The following MS4A14 variants were observed in gnomAD, a reference collection of about 807,000 sequenced individuals.
MS4A14 encodes membrane-spanning 4-domains subfamily A member 14.
In MS4A14, 18 loss-of-function variants were observed where a neutral mutation model predicts 16.7. The ratio of observed to expected loss-of-function variants is 1.08; its 90% CI spans 0.75 to 1.60. The LOEUF is 1.60. Ranked by LOEUF, MS4A14 falls within the 40% of genes most tolerant of loss-of-function variation. The pLI is 0.00. For missense variants in MS4A14, 812 were observed against 775.3 expected (o/e 1.05, Z -0.56); for synonymous variants, 305 against 289.4 (o/e 1.05, Z -0.55).
At chr11:60,404,494 C>T (rs2085759044) in intron 4 of MS4A14, 2 of 454,060 alleles carry the variant, frequency 4.4e-6, no homozygotes, top group South Asian at 3.1e-5. Context: ...TCTTAACAGC[C>T]TTACCAAACC....
intron 1 of MS4A14, among the ~76,000 whole-genome samples, chr11:60,397,377 T>C (rs1283063435): frequency 3.9e-5 from 6 of 152,096 alleles, no homozygotes; most frequent in Admixed American, 2.6e-4. Context: ...CATCAAACTT[T>C]TTAAATTTTT....
intron 2 of MS4A14, among the ~76,000 whole-genome samples, chr11:60,399,042 T>A (rs1279142217): frequency 6.6e-6 from 1 of 152,214 alleles, no homozygotes; most frequent in African/African-American, 2.4e-5. Flanking sequence ...ACTGAGCACA[T>A]ACCGCGTCTT....
intron 4 of MS4A14, among the ~76,000 whole-genome samples, chr11:60,409,739 G>T (rs1442818265): frequency 6.6e-6 from 1 of 151,148 alleles, no homozygotes; most frequent in Non-Finnish European, 1.5e-5. Flanking sequence ...CCCTGTAATG[G>T]GATTTCTGGA....
intron 4 of MS4A14, among the ~76,000 whole-genome samples, chr11:60,411,128 G>A (rs1565178494): frequency 6.6e-6 from 1 of 152,210 alleles, no homozygotes; most frequent in Non-Finnish European, 1.5e-5. Flanking sequence ...TTACAGGCAT[G>A]AGCCACTGTG....
chr11:60,414,091 G>A (rs997412107), intron 4 of MS4A14, among the ~76,000 whole-genome samples: 10 of 152,058 alleles, frequency 6.6e-5, no homozygotes, highest in Admixed American at 5.9e-4. Flanking sequence ...CTAGCATCTG[G>A]TAATCACTGA....
chr11:60,400,766 A>G (rs1188765426), intron 3 of MS4A14, among the ~76,000 whole-genome samples: 1 of 152,216 alleles, frequency 6.6e-6, no homozygotes, highest in Non-Finnish European at 1.5e-5. Context: ...ATTGGACAAC[A>G]TCTGAAGACA....
At chr11:60,411,332 A>G (rs936566501) in intron 4 of MS4A14, among the ~76,000 whole-genome samples, 1 of 152,226 alleles carries the variant, frequency 6.6e-6, no homozygotes, top group African/African-American at 2.4e-5. Context: ...TAGAAATTGT[A>G]TTGAATCTGT....
chr11:60,402,877 CT>C, intron 3 of MS4A14, 34 bp from the exon 4 acceptor site: 1 of 1,595,176 alleles, frequency 6.3e-7, no homozygotes. Flanking sequence ...TGGTTTCGAT[CT>C]TATTTATTTT....
Position 60,416,450 on chromosome 11 carries a change from C to T in MS4A14, c.1482C>T (p.Ala494=), listed in dbSNP as rs763069819. The T allele has an allele frequency of 3.7e-6, 6 of 1,613,808 alleles. No homozygotes were observed. In the Admixed American group the frequency reaches 8.3e-5, roughly 22 times the overall value. ...RRHSLNQQTK[A]LQYLRRHSLD... The stretch of plus-strand genomic sequence containing the variant: ...ATTCCTTAAACCAGCAAACCAAAGC[C>T]TTGCAATACTTAAGGAGACATTCTT... Residue 494 remains alanine (A), a synonymous_variant, in exon 5 of 5, where the codon GCC becomes GCT. Transcript: ENST00000300187.
intron 4 of MS4A14, among the ~76,000 whole-genome samples, chr11:60,409,205 G>T (rs576013496): frequency 6.6e-6 from 1 of 152,148 alleles, no homozygotes; most frequent in East Asian, 1.9e-4. Context: ...GTTGTAATTT[G>T]CTATAGTCAT....
chr11:60,405,876 T>C, intron 4 of MS4A14: 1 of 1,510,056 alleles, frequency 6.6e-7, no homozygotes, highest in Non-Finnish European at 8.9e-7. Flanking sequence ...TTATTTCTCC[T>C]CATTATTTGC....
In MS4A14 at chr11:60,403,118, T is replaced by C. The variant is rs137857506; in HGVS notation, c.468+57T>C. Reference sequence around the variant, plus strand: ...TAAAATCTTCTCTGAACTGTGTCCATGATGTAATGATTCACTGATTTTTAT... The same window carrying C: ...TAAAATCTTCTCTGAACTGTGTCCACGATGTAATGATTCACTGATTTTTAT... On this transcript the variant is annotated intron_variant, in intron 4 of 4. Transcript: ENST00000300187. 7.6e-5 allele frequency: 116 copies of C among 1,529,340 alleles called. No individual in the cohort carries two copies. The East Asian group carries it at 2.5e-3, about 34-fold the overall frequency. The allele number at this position is 1,529,340 out of a possible 1,614,324, so 94.7% of individuals were successfully genotyped here. A position where few individuals can be genotyped will look rare whatever the true frequency, so the allele number is the denominator to read the frequency against.
chr11:60,400,097 G>T (rs1240943808), intron 2 of MS4A14, among the ~76,000 whole-genome samples: 1 of 152,036 alleles, frequency 6.6e-6, no homozygotes, highest in African/African-American at 2.4e-5. Context: ...TCTCTTCAAG[G>T]CCCAGAGCTC....
intron 4 of MS4A14, chr11:60,405,953 C>T (rs1297308708): frequency 7.8e-6 from 12 of 1,532,132 alleles, no homozygotes; most frequent in Non-Finnish European, 1.0e-5. Flanking sequence ...ACTATTGCAT[C>T]CTTTAGAAGC....
chr11:60,408,084 T>G (rs2085813814), intron 4 of MS4A14, among the ~76,000 whole-genome samples: 1 of 152,188 alleles, frequency 6.6e-6, no homozygotes, highest in Non-Finnish European at 1.5e-5. Flanking sequence ...GGTTAGAAGT[T>G]AATGCACATC....
At chr11:60,396,743 T>C (rs906440824) in intron 1 of MS4A14, 27 bp downstream of exon 1, 5 of 1,602,204 alleles carry the variant, frequency 3.1e-6, no homozygotes, top group Non-Finnish European at 4.3e-6. Flanking sequence ...CAATAGGTCT[T>C]CCAGAAGGGG....
At position 60,416,510 on chromosome 11, in the gene MS4A14, G is replaced by A. The variant is rs1327988937; in HGVS notation, c.1542G>A (p.Lys514=). ...DVQAKGQKSS[K]RHSLDQQSKG... ...AAGCCAAAGGCCAGAAATCCTCAAAGAGGCATTCCTTAGATCAGCAAAGCA... is the reference window on the plus strand; with the variant it reads ...AAGCCAAAGGCCAGAAATCCTCAAAAAGGCATTCCTTAGATCAGCAAAGCA... Residue 514 remains lysine (K), a synonymous_variant, in exon 5 of 5, where the codon AAG becomes AAA. Transcript: ENST00000300187. 1 of 1,613,690 alleles carries A rather than the reference G, an allele frequency of 6.2e-7. No individual in the cohort carries two copies. Among genetic ancestry groups the A allele is most frequent in the Non-Finnish European group, 8.5e-7 (1 of 1,179,920 alleles).
At chr11:60,409,341 C>A in intron 4 of MS4A14, among the ~76,000 whole-genome samples, 1 of 152,056 alleles carries the variant, frequency 6.6e-6, no homozygotes, top group East Asian at 1.9e-4. Context: ...TCCCTAGCCT[C>A]TGGTAACCAC....
chr11:60,413,791 T>G (rs1367559501), intron 4 of MS4A14, among the ~76,000 whole-genome samples: 1 of 152,084 alleles, frequency 6.6e-6, no homozygotes, highest in Non-Finnish European at 1.5e-5. Context: ...ACGGAGAAAT[T>G]TCTCTGTGCC....
Sources: allele counts gnomAD v4.1 joint callset (sites outside exome capture counted in the v4.1 genomes callset), GRCh38; gene constraint gnomAD v4.1.1; transcripts MANE v1.5; gene names NCBI Gene and HGNC (gene_info 2026-07-23, HGNC 2026-07-21).